The following MDGA2 variants were observed in gnomAD, a reference collection of about 807,000 sequenced individuals.
The protein encoded by MDGA2 is MAM domain containing glycosylphosphatidylinositol anchor 2.
MDGA2 carries 40 observed loss-of-function variants against 117.8 expected under a neutral mutation model. The ratio of observed to expected loss-of-function variants is 0.34; its 90% CI spans 0.26 to 0.44. MDGA2 has a LOEUF of 0.44. Ranked by LOEUF, MDGA2 falls within the 20% of genes least tolerant of loss-of-function variation. The pLI, the probability that MDGA2 is intolerant of heterozygous loss-of-function variation, is 1.00. For missense variants in MDGA2, 1,123 were observed against 1,250.6 expected (o/e 0.90, Z 1.54); for synonymous variants, 452 against 439.0 (o/e 1.03, Z -0.37).
chr14:47,047,205 A>AT (rs1246250695), intron 7 of MDGA2, among the ~76,000 whole-genome samples: 1 of 152,058 alleles, frequency 6.6e-6, no homozygotes, highest in Non-Finnish European at 1.5e-5. Context: ...AAATTAAAGG[A>AT]TTTTTTTAAT....
At chr14:47,028,159 A>G (rs1178695913) in intron 8 of MDGA2, among the ~76,000 whole-genome samples, 1 of 152,134 alleles carries the variant, frequency 6.6e-6, no homozygotes, top group Non-Finnish European at 1.5e-5. Context: ...CGAAGTCATT[A>G]TCCTTATAGT....
At chr14:47,518,628 C>T (rs1259366215) in intron 1 of MDGA2, among the ~76,000 whole-genome samples, 1 of 152,082 alleles carries the variant, frequency 6.6e-6, no homozygotes, top group East Asian at 1.9e-4. Flanking sequence ...ATCTAATATT[C>T]TATAACATTA....
At chr14:47,359,982 A>T (rs965333401) in intron 1 of MDGA2, among the ~76,000 whole-genome samples, 3 of 152,302 alleles carry the variant, frequency 2.0e-5, no homozygotes, top group Admixed American at 2.0e-4. Context: ...TAGCTGATAA[A>T]GGGTTAATAA....
chr14:47,296,380 G>C (rs1482329783), intron 2 of MDGA2, among the ~76,000 whole-genome samples: 1 of 152,116 alleles, frequency 6.6e-6, no homozygotes, highest in Admixed American at 6.6e-5. Context: ...ACACTGGGAG[G>C]TGCAATTGGC....
intron 1 of MDGA2, among the ~76,000 whole-genome samples, chr14:47,612,635 G>C (rs1896872997): frequency 6.6e-6 from 1 of 151,812 alleles, no homozygotes; most frequent in African/African-American, 2.4e-5. Context: ...AAACTATTTG[G>C]GTATGCTTCT....
chr14:47,207,538 G>A (rs1271162226), intron 3 of MDGA2, among the ~76,000 whole-genome samples: 1 of 151,820 alleles, frequency 6.6e-6, no homozygotes, highest in African/African-American at 2.4e-5. Context: ...ATTAAAAAAT[G>A]GAATTTGTTC....
At chr14:47,372,403 A>G (rs963459887) in intron 1 of MDGA2, among the ~76,000 whole-genome samples, 14 of 151,948 alleles carry the variant, frequency 9.2e-5, no homozygotes, top group African/African-American at 3.1e-4. Context: ...ATTTGATAGA[A>G]AAAGGGCAAA....
intron 10 of MDGA2, among the ~76,000 whole-genome samples, chr14:46,895,158 G>C (rs78161367): frequency 0.024 from 3,702 of 152,182 alleles, 141 homozygotes; most frequent in African/African-American, 0.084. Flanking sequence ...TTGAATTGTA[G>C]TTCTCATAAT....
chr14:46,917,349 CTG>C (rs1883940852), intron 10 of MDGA2, among the ~76,000 whole-genome samples: 1 of 152,152 alleles, frequency 6.6e-6, no homozygotes, highest in African/African-American at 2.4e-5. Flanking sequence ...ATTGCCATAA[CTG>C]TTTGTGCAAG....
chr14:47,220,030 A>C (rs1265811346), intron 2 of MDGA2, among the ~76,000 whole-genome samples: 3 of 152,202 alleles, frequency 2.0e-5, no homozygotes, highest in African/African-American at 7.2e-5. Flanking sequence ...AAAATGAAAC[A>C]ATTCTCAAAT....
chr14:46,919,690 G>A (rs547554532), intron 10 of MDGA2, among the ~76,000 whole-genome samples: 2 of 152,094 alleles, frequency 1.3e-5, no homozygotes, highest in Non-Finnish European at 2.9e-5. Flanking sequence ...TCTGAAATAA[G>A]TTCCTTTTAT....
intron 1 of MDGA2, among the ~76,000 whole-genome samples, chr14:47,463,631 G>A (rs754549805): frequency 6.6e-6 from 1 of 152,110 alleles, no homozygotes; most frequent in Non-Finnish European, 1.5e-5. Context: ...AAAGAGAGGG[G>A]TAGGGGATTA....
intron 2 of MDGA2, among the ~76,000 whole-genome samples, chr14:47,275,553 T>G (rs1888284138): frequency 6.6e-6 from 1 of 152,200 alleles, no homozygotes; most frequent in South Asian, 2.1e-4. Flanking sequence ...TTAAATATTT[T>G]AGTTACTATC....
In MDGA2 at chr14:47,675,325, GGAGGAGGAA is replaced by G. The variant is rs2138328767; in HGVS notation, c.-538_-530del. Among the ~76,000 whole-genome samples, 1 of 812 alleles carries G rather than the reference GGAGGAGGAA, an allele frequency of 1.2e-3. No homozygotes were observed. Among genetic ancestry groups the G allele is most frequent in the African/African-American group, 4.1e-3 (1 of 242 alleles). 0.5% of individuals were successfully genotyped at this position (812 alleles called of 152,430 possible). On this transcript the variant is annotated 5_prime_UTR_variant, in exon 1 of 17. Coordinates refer to ENST00000399232, the MANE Select transcript of MDGA2 (RefSeq NM_001113498.3). The stretch of plus-strand genomic sequence containing the variant: ...CCGAACGGGGAGAGGAGGAAGAGGA[GGAGGAGGAA>G]GAGGAGGAGGAGGAAGAGGAGGAGT...
chr14:47,193,567 G>A (rs1325770294), intron 3 of MDGA2, among the ~76,000 whole-genome samples: 3 of 152,062 alleles, frequency 2.0e-5, no homozygotes, highest in Non-Finnish European at 2.9e-5. Flanking sequence ...GGGAAGTCAT[G>A]GTTCTCATGA....
intron 1 of MDGA2, among the ~76,000 whole-genome samples, chr14:47,342,338 T>C (rs1003775375): frequency 6.7e-6 from 1 of 149,304 alleles, no homozygotes; most frequent in Non-Finnish European, 1.5e-5. Flanking sequence ...CATATATAAA[T>C]ATGTGTGTAT....
intron 1 of MDGA2, among the ~76,000 whole-genome samples, chr14:47,603,304 T>C (rs896676676): frequency 6.6e-6 from 1 of 152,234 alleles, no homozygotes; most frequent in Non-Finnish European, 1.5e-5. Context: ...CGGATTTCAT[T>C]TGAATGCTTT....
intron 1 of MDGA2, among the ~76,000 whole-genome samples, chr14:47,333,331 C>T (rs980287336): frequency 2.0e-5 from 3 of 151,842 alleles, no homozygotes; most frequent in African/African-American, 2.4e-5. Flanking sequence ...TTAATAATAG[C>T]CAACCTGACT....
intron 5 of MDGA2, among the ~76,000 whole-genome samples, chr14:47,107,802 G>C (rs1880801688): frequency 6.6e-6 from 1 of 150,572 alleles, no homozygotes; most frequent in East Asian, 1.9e-4. Context: ...TGACCTTACT[G>C]TTTTAGCCTA....
Sources: allele counts gnomAD v4.1 joint callset (sites outside exome capture counted in the v4.1 genomes callset), GRCh38; gene constraint gnomAD v4.1.1; transcripts MANE v1.5; gene names NCBI Gene and HGNC (gene_info 2026-07-23, HGNC 2026-07-21).